Variants in ARHGAP24 observed in about 807,000 individuals in gnomAD.
The protein encoded by ARHGAP24 is rho GTPase-activating protein 24.
Under a neutral mutation model 76.4 loss-of-function variants are expected in ARHGAP24, and 50 were observed. That is an observed-to-expected ratio of 0.65 (90% CI 0.52 to 0.83). The LOEUF is 0.83. ARHGAP24 is among the 40% of genes least tolerant of loss of function. ARHGAP24 has a pLI of 0.00. For missense variants in ARHGAP24, 930 were observed against 914.2 expected (o/e 1.02, Z -0.22); for synonymous variants, 345 against 323.3 (o/e 1.07, Z -0.72).
intron 5 of ARHGAP24, 161 bp downstream of exon 5, chr4:85,942,434 G>GT: frequency 1.2e-6 from 1 of 822,154 alleles, no homozygotes; most frequent in Non-Finnish European, 1.9e-6. Flanking sequence ...AAGTTACAAA[G>GT]TCAAAAATTG....
At chr4:85,940,342 G>C (rs1215079752) in intron 4 of ARHGAP24, among the ~76,000 whole-genome samples, 1 of 151,716 alleles carries the variant, frequency 6.6e-6, no homozygotes, top group Non-Finnish European at 1.5e-5. Context: ...TTGCCTAATG[G>C]ACCAAAGATG....
intron 3 of ARHGAP24, among the ~76,000 whole-genome samples, chr4:85,833,011 G>A (rs1034530515): frequency 1.3e-5 from 2 of 152,234 alleles, no homozygotes; most frequent in East Asian, 3.8e-4. Flanking sequence ...GGAAAGCAAA[G>A]AAGGTATATA....
chr4:85,968,606 A>G (rs905356817), intron 5 of ARHGAP24, among the ~76,000 whole-genome samples: 2 of 152,100 alleles, frequency 1.3e-5, no homozygotes, highest in African/African-American at 4.8e-5. Flanking sequence ...TTTCAGAGAA[A>G]CGCCAGACTT....
intron 2 of ARHGAP24, among the ~76,000 whole-genome samples, chr4:85,632,227 C>T (rs1721181164): frequency 6.6e-6 from 1 of 151,862 alleles, no homozygotes; most frequent in South Asian, 2.1e-4. Flanking sequence ...TCTATATAGC[C>T]TCAGACCATA....
At chr4:85,612,808 T>TTTTTTTG (rs1578077563) in intron 2 of ARHGAP24, among the ~76,000 whole-genome samples, 1 of 142,976 alleles carries the variant, frequency 7.0e-6, no homozygotes, top group East Asian at 2.1e-4. Context: ...TTTTTTTTTT[T>TTTTTTTG]TTTTTTGTGG....
chr4:85,651,026 A>G (rs6531847), intron 2 of ARHGAP24, among the ~76,000 whole-genome samples: 53,242 of 142,002 alleles, frequency 0.37, 12,000 homozygotes, highest in East Asian at 0.84. Context: ...AAGGATAAGC[A>G]GAAGTTGGCC....
rs114052661 is a variant in ARHGAP24 at position 85,688,268 on chromosome 4, G to C, written c.181-33617G>C. Among the ~76,000 whole-genome samples the C allele has an allele frequency of 5.0e-3, 768 of 152,192 alleles. 7 individuals are homozygous for C. The highest frequency in any genetic ancestry group is 0.017 in the African/African-American group (720 of 41,520). On this transcript the variant is annotated intron_variant, in intron 2 of 9. Coordinates refer to ENST00000395184, the MANE Select transcript of ARHGAP24 (RefSeq NM_001025616.3). ...TTGACTTTTTAGTAATAGCCATTCT[G>C]ACTGGTGTGACATAACATCTCATTG...
chr4:85,580,430 C>G (rs1180041298), intron 2 of ARHGAP24, among the ~76,000 whole-genome samples: 1 of 152,124 alleles, frequency 6.6e-6, no homozygotes, highest in African/African-American at 2.4e-5. Flanking sequence ...CACCTTTCAG[C>G]TCTCAGAATT....
chr4:85,916,300 T>C (rs118021151), intron 3 of ARHGAP24, among the ~76,000 whole-genome samples: 1,970 of 152,286 alleles, frequency 0.013, 35 homozygotes, highest in East Asian at 0.092. Flanking sequence ...TCCTTGTAGC[T>C]TCTGGATATT....
In ARHGAP24 at chr4:85,977,719, A is replaced by G. The variant is rs759535764; in HGVS notation, c.928+28A>G. 3 of 1,610,868 alleles carry G rather than the reference A, an allele frequency of 1.9e-6. No individual in the cohort carries two copies. The Admixed American group carries it at 5.0e-5, about 27-fold the overall frequency. On this transcript the variant is annotated intron_variant, in intron 8 of 9. Transcript: ENST00000395184. ...AAGTAAATGATTATCTTATACCCTT[A>G]TCAAAAGAAGAAGTAATTATCTCTT...
chr4:85,791,973 T>C (rs978402529), intron 3 of ARHGAP24, among the ~76,000 whole-genome samples: 1 of 152,166 alleles, frequency 6.6e-6, no homozygotes, highest in Non-Finnish European at 1.5e-5. Flanking sequence ...AGTTAAATTA[T>C]GTGGTCAGGT....
chr4:85,714,286 A>C (rs1009143795), intron 2 of ARHGAP24, among the ~76,000 whole-genome samples: 1 of 152,190 alleles, frequency 6.6e-6, no homozygotes, highest in African/African-American at 2.4e-5. Context: ...GAGTTATATC[A>C]GGGACACTCA....
At chr4:85,625,161 G>T (rs1017677758) in intron 2 of ARHGAP24, among the ~76,000 whole-genome samples, 1 of 152,114 alleles carries the variant, frequency 6.6e-6, no homozygotes, top group African/African-American at 2.4e-5. Flanking sequence ...TAATTGTGAT[G>T]TTAGGGTGTC....
At chr4:85,975,788 G>A (rs999327900) in intron 7 of ARHGAP24, 16 of 152,190 alleles carry the variant, frequency 1.1e-4, no homozygotes, top group African/African-American at 3.9e-4. Context: ...ATTTATGTGT[G>A]TGTTTGGTGT....
intron 3 of ARHGAP24, among the ~76,000 whole-genome samples, chr4:85,816,771 G>A (rs890356536): frequency 8.6e-5 from 13 of 152,046 alleles, no homozygotes; most frequent in Non-Finnish European, 1.6e-4. Flanking sequence ...CATTTAATTG[G>A]ATATATACCC....
At chr4:85,532,283 T>C (rs569279564) in intron 1 of ARHGAP24, among the ~76,000 whole-genome samples, 1 of 152,236 alleles carries the variant, frequency 6.6e-6, no homozygotes, top group Non-Finnish European at 1.5e-5. Context: ...TCTAGATGGC[T>C]TAAATGTAGT....
chr4:85,685,280 G>A (rs796455279), intron 2 of ARHGAP24, among the ~76,000 whole-genome samples: 9 of 152,248 alleles, frequency 5.9e-5, no homozygotes, highest in African/African-American at 2.2e-4. Context: ...TAATCATTGA[G>A]ATTACCTTTC....
At chr4:85,524,543 A>T (rs1252415053) in intron 1 of ARHGAP24, among the ~76,000 whole-genome samples, 1 of 152,190 alleles carries the variant, frequency 6.6e-6, no homozygotes, top group African/African-American at 2.4e-5. Flanking sequence ...TGCATGATTG[A>T]TGAGGTTATT....
chr4:85,643,234 G>GTGGGTTTTTTTT (rs1721592505), intron 2 of ARHGAP24, among the ~76,000 whole-genome samples: 1 of 54,610 alleles, frequency 1.8e-5, no homozygotes, highest in African/African-American at 5.9e-5. Flanking sequence ...GTTTTTTTGT[G>GTGGGTTTTTTTT]TTTTTTTTTT....
Sources: gnomAD v4.1 joint callset for allele counts (sites outside exome capture counted in the v4.1 genomes callset) on GRCh38, gnomAD v4.1.1 for gene constraint, MANE v1.5 for transcripts, NCBI Gene and HGNC (gene_info 2026-07-23, HGNC 2026-07-21) for gene names.